GRB7: variants seen among roughly 807,000 people sequenced by gnomAD.
GRB7 encodes growth factor receptor bound protein 7, also known as growth factor receptor-bound protein 7.
In GRB7, 47 loss-of-function variants were observed where a neutral mutation model predicts 64.1. The ratio of observed to expected loss-of-function variants is 0.73; its 90% CI spans 0.58 to 0.94. GRB7 has a LOEUF of 0.94. Among genes scored for constraint, GRB7 ranks in the 40% least tolerant of loss-of-function variants. The pLI, the probability that GRB7 is intolerant of heterozygous loss-of-function variation, is 0.00. For missense variants in GRB7, 634 were observed against 718.4 expected (o/e 0.88, Z 1.34); for synonymous variants, 277 against 279.9 (o/e 0.99, Z 0.10).
chr17:39,744,046 C>T (rs1339482619), intron 6 of GRB7, 24 bp from the exon 7 acceptor site: 3 of 1,613,510 alleles, frequency 1.9e-6, no homozygotes, highest in African/African-American at 2.7e-5. Flanking sequence ...ACCTGTCACT[C>T]TCCTCTGCTC....
intron 7 of GRB7, 21 bp downstream of exon 7, chr17:39,744,228 G>A (rs769277475): frequency 6.2e-7 from 1 of 1,612,538 alleles, no homozygotes; most frequent in Non-Finnish European, 8.5e-7. Flanking sequence ...GAGGGTACCA[G>A]CCCCAGCCCC....
At chr17:39,745,142 AAC>A (rs2060032851) in intron 9 of GRB7, 99 bp from the exon 10 acceptor site, 2 of 1,196,314 alleles carry the variant, frequency 1.7e-6, no homozygotes, top group South Asian at 1.4e-5. Flanking sequence ...CGAAGGCAGA[AAC>A]ACAGCCCTGG....
chr17:39,742,391 C>A lies in GRB7; in HGVS notation c.90C>A (p.Pro30=). 6.2e-7 allele frequency: 1 copy of A among 1,614,062 alleles called. No individual in the cohort carries two copies. The highest frequency in any genetic ancestry group is 8.5e-7 in the Non-Finnish European group (1 of 1,180,020). Residue 30 remains proline (P), a synonymous_variant, in exon 2 of 15, where the codon CCC becomes CCA. Coordinates refer to ENST00000309156, the MANE Select transcript of GRB7 (RefSeq NM_005310.5). ...GGACCCCTCCTGGGACTCCCCGGCC[C>A]CCTGATACCCCTCTGCCTGAGGAGG... ...APGTPPGTPR[P]PDTPLPEEVK...
rs569670574 is a variant in GRB7, at chr17:39,746,943, C to T, written c.*46C>T. 3.4e-5 allele frequency: 54 copies of T among 1,566,374 alleles called. No homozygotes were observed. The highest frequency in any genetic ancestry group is 4.6e-5 in the South Asian group (4 of 87,822). On this transcript the variant is annotated 3_prime_UTR_variant, in exon 15 of 15. Transcript: ENST00000309156. ...TGCCTCAGCCCGCCTTCAGGCTGCC[C>T]GCCGCCCCTCCACCCATCCAGTGGA... is the stretch of plus-strand genomic sequence containing the variant.
intron 1 of GRB7, chr17:39,740,015 C>G: frequency 1.0e-6 from 1 of 985,468 alleles, no homozygotes; most frequent in Non-Finnish European, 1.2e-6. Context: ...TGAGGCCAGG[C>G]TCTAATGTGA....
Position 39,746,110 on chromosome 17 carries a change from C to G in GRB7, c.1360C>G (p.Leu454Val). ...GCCCCATCTCCTGTCTTCTGGCAGC[C>G]TGTTCCTGGTCCGGGAGAGTCAGCG... is the stretch of plus-strand genomic sequence containing the variant. ...LIGQQGLVDG[L>V]FLVRESQRNP... Residue 454 changes from leucine to valine, a missense_variant and splice_region_variant, in exon 14 of 15, where the codon CTG (leucine) becomes GTG (valine). By Grantham distance (32) the Leu-to-Val change is conservative. This residue lies in a region of GRB7 where 467 missense variants were observed against 576.6 expected (regional missense o/e 0.81). Coordinates refer to ENST00000309156, the MANE Select transcript of GRB7 (RefSeq NM_005310.5). 1 of 1,614,074 alleles carries G rather than the reference C, an allele frequency of 6.2e-7. No individual in the cohort carries two copies. Among genetic ancestry groups the G allele is most frequent in the Non-Finnish European group, 8.5e-7 (1 of 1,179,926 alleles).
rs761421589 is a variant in GRB7, at chr17:39,745,374, G to A, written c.1093-48G>A. 20 of 1,609,300 alleles carry A rather than the reference G, an allele frequency of 1.2e-5. 1 individual carries two copies. The highest frequency in any genetic ancestry group is 3.3e-4 in the Middle Eastern group (2 of 6,064). ...GGTGGGTATGCAGGCCCTGTCTTACGGGTACCTGGGCCCTGTTCTGACCTC... is the reference window on the plus strand; with the variant it reads ...GGTGGGTATGCAGGCCCTGTCTTACAGGTACCTGGGCCCTGTTCTGACCTC... On this transcript the variant is annotated intron_variant, in intron 10 of 14. Coordinates refer to ENST00000309156, the MANE Select transcript of GRB7 (RefSeq NM_005310.5).
chr17:39,742,489 G>C, intron 2 of GRB7, 33 bp downstream of exon 2: 1 of 1,613,070 alleles, frequency 6.2e-7, no homozygotes. Context: ...GGGGAGGTCA[G>C]TGCTGGATAA....
At chr17:39,742,846 AATGAAT>A in intron 3 of GRB7, 46 bp from the exon 4 acceptor site, 1 of 1,539,668 alleles carries the variant, frequency 6.5e-7, no homozygotes, top group Non-Finnish European at 8.8e-7. Context: ...GCGGAAAGGG[AATGAAT>A]CACCCTTTGC....
At position 39,743,316 on chromosome 17, in the gene GRB7, G is replaced by T; in HGVS notation, c.585+15G>T. ...AGAGCTCCCCAGTGAGTGCATGAGG[G>T]CTGTCTGGGCGCTGGGATGCCCTGA... On this transcript the variant is annotated intron_variant, in intron 5 of 14. Transcript: ENST00000309156. 6.2e-7 allele frequency: 1 copy of T among 1,614,200 alleles called. No individual in the cohort carries two copies. The highest frequency in any genetic ancestry group is 8.5e-7 in the Non-Finnish European group (1 of 1,180,022).
intron 6 of GRB7, 124 bp downstream of exon 6, chr17:39,743,594 A>T: frequency 1.3e-6 from 1 of 771,348 alleles, no homozygotes; most frequent in South Asian, 1.5e-5. Flanking sequence ...GTCCTGTGTG[A>T]CTGGGGACAG....
chr17:39,742,613 C>T lies in GRB7; in HGVS notation c.203C>T (p.Pro68Leu). The T allele has an allele frequency of 6.2e-7, 1 of 1,613,788 alleles. No individual in the cohort carries two copies. The highest frequency in any genetic ancestry group is 8.5e-7 in the Non-Finnish European group (1 of 1,179,898). Residue 68 changes from proline to leucine, a missense_variant, in exon 3 of 15, where the codon CCC becomes CTC. Around this residue, in one of 2 missense-constraint regions of GRB7, gnomAD observed 167 missense variants for 141.9 expected, o/e 1.18. Coordinates refer to ENST00000309156, the MANE Select transcript of GRB7 (RefSeq NM_005310.5). ...CGTGCCACCTCCCTCCCCTCTATCC[C>T]CAACCCCTTCCCTGAGCTCTGCAGT... Reference protein sequence around the residue: ...ERRATSLPSIPNPFPELCSPP... With the variant: ...ERRATSLPSILNPFPELCSPP...
At chr17:39,745,349 G>A (rs906075173) in intron 10 of GRB7, 26 bp downstream of exon 10, 1 of 1,606,430 alleles carries the variant, frequency 6.2e-7, no homozygotes. Context: ...GGGATGGGAG[G>A]GTGGGTATGC....
chr17:39,740,407 C>G (rs1293472306), intron 1 of GRB7, among the ~76,000 whole-genome samples: 1 of 152,220 alleles, frequency 6.6e-6, no homozygotes, highest in Non-Finnish European at 1.5e-5. Context: ...ACTTCATCCA[C>G]ACAGGGCAGG....
rs1230451914 is a variant in GRB7 at position 39,745,951 on chromosome 17, TC to T, written c.1312del (p.Arg438ValfsTer14). The T allele has an allele frequency of 6.2e-7, 1 of 1,613,964 alleles. No individual in the cohort carries two copies. On this transcript the variant is annotated frameshift_variant, in exon 13 of 15. Transcript: ENST00000309156. LOFTEE classifies it high-confidence loss of function. ...CCAACTCTGGTTCCACGGGCGCATT[TC>T]CCGTGAGGAGAGCCAGCGGCTTATT... is the stretch of plus-strand genomic sequence containing the variant. ...RTQLWFHGRI[S>X]REESQRLIGQ...
chr17:39,745,331 T>C lies in GRB7; in HGVS notation c.1092+8T>C. On this transcript the variant is annotated splice_region_variant and intron_variant, in intron 10 of 14. Coordinates refer to ENST00000309156, the MANE Select transcript of GRB7 (RefSeq NM_005310.5). ...TTGGGCTCCCCACCCTTGGTGAGTG[T>C]GCCCAAGGGGATGGGAGGGTGGGTA... 1 of 1,551,356 alleles carries C rather than the reference T, an allele frequency of 6.4e-7. No individual in the cohort carries two copies. The highest frequency in any genetic ancestry group is 8.9e-7 in the Non-Finnish European group (1 of 1,128,056).
At chr17:39,743,704 G>C in intron 6 of GRB7, 1 of 594,376 alleles carries the variant, frequency 1.7e-6, no homozygotes. Context: ...GCTGGGCACG[G>C]TGGCTCATGC....
At chr17:39,742,742 G>C (rs761012059) in intron 3 of GRB7, 26 bp downstream of exon 3, 17 of 1,538,134 alleles carry the variant, frequency 1.1e-5, no homozygotes, top group Admixed American at 2.1e-5. Context: ...GAAGGGAAGG[G>C]AGGGATGCAC....
intron 1 of GRB7, chr17:39,740,066 G>T: frequency 1.0e-6 from 1 of 985,492 alleles, no homozygotes; most frequent in Non-Finnish European, 1.2e-6. Context: ...CTGCCCTCCC[G>T]AATTCTCTGC....
Sources: allele counts gnomAD v4.1 joint callset (sites outside exome capture counted in the v4.1 genomes callset), GRCh38; gene constraint gnomAD v4.1.1; regional missense constraint gnomAD v4.1.1; transcripts MANE v1.5; gene names NCBI Gene and HGNC (gene_info 2026-07-23, HGNC 2026-07-21).